The following RPGRIP1L variants were observed in gnomAD, a reference collection of about 807,000 sequenced individuals.
RPGRIP1L encodes protein fantom.
A neutral mutation model predicts 160.4 loss-of-function variants in RPGRIP1L; 131 were observed. That is an observed-to-expected ratio of 0.82 (90% CI 0.71 to 0.94). The LOEUF (loss-of-function observed/expected upper bound fraction) is 0.94. Ranked by LOEUF, RPGRIP1L falls within the 40% of genes least tolerant of loss-of-function variation. RPGRIP1L has a pLI of 0.00. For missense variants in RPGRIP1L, 1,522 were observed against 1,535.8 expected (o/e 0.99, Z 0.15); for synonymous variants, 510 against 515.8 (o/e 0.99, Z 0.15).
chr16:53,655,279 GTACTT>G (rs1262285735), intron 14 of RPGRIP1L, among the ~76,000 whole-genome samples: 1 of 151,974 alleles, frequency 6.6e-6, no homozygotes, highest in Admixed American at 6.6e-5. Flanking sequence ...CTTAAAAAAG[GTACTT>G]TAATTTATGT....
rs554098056 is a variant in RPGRIP1L, at chr16:53,701,981, A to G, written c.-7-1251T>C. Among the ~76,000 whole-genome samples the G allele has an allele frequency of 2.7e-4, 41 of 152,288 alleles. No homozygotes were observed. The East Asian group carries it at 7.3e-3, about 27-fold the overall frequency. On this transcript the variant is annotated intron_variant, in intron 1 of 26. Transcript: ENST00000647211. ...TTCTTTTGGAAGTACTCCTATAGAA[A>G]AGGTCAATTTTTAGGATCCTGTTGA... is the stretch of plus-strand genomic sequence containing the variant.
chr16:53,626,806 C>CAAA (rs397956424), intron 22 of RPGRIP1L, among the ~76,000 whole-genome samples: 13 of 93,756 alleles, frequency 1.4e-4, no homozygotes, highest in East Asian at 2.8e-4. Context: ...CCCTGTCTCT[C>CAAA]AAAAAAAAAA....
intron 4 of RPGRIP1L, among the ~76,000 whole-genome samples, chr16:53,691,238 T>A (rs1452423477): frequency 2.0e-5 from 3 of 152,156 alleles, no homozygotes; most frequent in African/African-American, 7.2e-5. Flanking sequence ...AAACCTAATT[T>A]CCTTTCCTAC....
At chr16:53,696,918 G>A (rs569074511) in intron 2 of RPGRIP1L, among the ~76,000 whole-genome samples, 1 of 152,256 alleles carries the variant, frequency 6.6e-6, no homozygotes, top group African/African-American at 2.4e-5. Flanking sequence ...TCCGAGCCAG[G>A]CTTGGTGGCT....
intron 4 of RPGRIP1L, among the ~76,000 whole-genome samples, chr16:53,690,237 C>T (rs1970291477): frequency 2.0e-5 from 3 of 152,134 alleles, no homozygotes; most frequent in Non-Finnish European, 4.4e-5. Flanking sequence ...TCCTCTGTCG[C>T]CCAGGTTGGA....
At chr16:53,661,258 C>A (rs1967768597) in intron 10 of RPGRIP1L, among the ~76,000 whole-genome samples, 1 of 150,292 alleles carries the variant, frequency 6.7e-6, no homozygotes, top group African/African-American at 2.5e-5. Flanking sequence ...GATCGCACCA[C>A]TGCACTCCAG....
chr16:53,697,153 A>T (rs939597876), intron 2 of RPGRIP1L, among the ~76,000 whole-genome samples: 2 of 151,786 alleles, frequency 1.3e-5, no homozygotes, highest in African/African-American at 4.8e-5. Flanking sequence ...GTGCCACTGC[A>T]CTCCAGCCTG....
intron 9 of RPGRIP1L, among the ~76,000 whole-genome samples, chr16:53,668,687 C>A (rs1968478247): frequency 6.6e-6 from 1 of 152,166 alleles, no homozygotes; most frequent in South Asian, 2.1e-4. Context: ...AAGTGAAGCA[C>A]AGCATTACTA....
At chr16:53,665,647 G>T (rs1968180460) in intron 9 of RPGRIP1L, among the ~76,000 whole-genome samples, 1 of 152,140 alleles carries the variant, frequency 6.6e-6, no homozygotes, top group Admixed American at 6.6e-5. Flanking sequence ...GACGAAAATA[G>T]AATTACTATT....
intron 22 of RPGRIP1L, among the ~76,000 whole-genome samples, chr16:53,624,482 T>C (rs1180584828): frequency 6.6e-6 from 1 of 151,826 alleles, no homozygotes; most frequent in Non-Finnish European, 1.5e-5. Flanking sequence ...AGGTGGAGGT[T>C]GCAGTGAGCT....
chr16:53,627,690 ATAT>A (rs1965270896), intron 22 of RPGRIP1L, among the ~76,000 whole-genome samples: 1 of 151,890 alleles, frequency 6.6e-6, no homozygotes, highest in African/African-American at 2.4e-5. Flanking sequence ...TTTTGGTTTT[ATAT>A]TTGTGGTATC....
chr16:53,690,226 C>T (rs1970291088), intron 4 of RPGRIP1L, among the ~76,000 whole-genome samples: 2 of 152,144 alleles, frequency 1.3e-5, no homozygotes, highest in Non-Finnish European at 2.9e-5. Context: ...GAGACTTAGT[C>T]TCCTCTGTCG....
At chr16:53,609,585 G>C (rs1963899750) in intron 25 of RPGRIP1L, among the ~76,000 whole-genome samples, 1 of 152,138 alleles carries the variant, frequency 6.6e-6, no homozygotes, top group Non-Finnish European at 1.5e-5. Flanking sequence ...AAATAAGACT[G>C]AATAGGCTAC....
At chr16:53,616,135 G>GTAC in intron 24 of RPGRIP1L, among the ~76,000 whole-genome samples, 1 of 152,236 alleles carries the variant, frequency 6.6e-6, no homozygotes. Flanking sequence ...GAGACAGCAT[G>GTAC]TACTAATTGT....
At chr16:53,683,691 C>CA (rs549418277) in intron 6 of RPGRIP1L, among the ~76,000 whole-genome samples, 215 of 77,180 alleles carry the variant, frequency 2.8e-3, no homozygotes, top group East Asian at 4.6e-3. Flanking sequence ...ACACTTAGTT[C>CA]AAAAAAAAAA....
chr16:53,658,654 T>G (rs1310445318), intron 11 of RPGRIP1L, 118 bp downstream of exon 11: 1 of 849,028 alleles, frequency 1.2e-6, no homozygotes, highest in Non-Finnish European at 1.9e-6. Flanking sequence ...CATGAGTTAA[T>G]AAACTGAGTA....
chr16:53,684,175 G>A (rs570671491), intron 6 of RPGRIP1L, among the ~76,000 whole-genome samples: 14 of 152,308 alleles, frequency 9.2e-5, no homozygotes, highest in Admixed American at 5.2e-4. Context: ...CATTGTGGAA[G>A]TCAGTGTGGC....
In RPGRIP1L at chr16:53,601,523, G is replaced by A. The variant is rs1298442957; in HGVS notation, c.*553C>T. 6.4e-6 allele frequency: 1 copy of A among 155,066 alleles called. No individual in the cohort carries two copies. The highest frequency in any genetic ancestry group is 6.3e-5 in the Admixed American group (1 of 15,838). 9.6% of individuals were successfully genotyped at this position (155,066 alleles called of 1,614,324 possible). A position where few individuals can be genotyped will look rare whatever the true frequency, so the allele number is the denominator to read the frequency against. ...ATGCATCAAAGAAAATGCATACTGAGCTTTAATGTGCATAAAATGGATATT... is the reference window on the plus strand; with the variant it reads ...ATGCATCAAAGAAAATGCATACTGAACTTTAATGTGCATAAAATGGATATT... On this transcript the variant is annotated 3_prime_UTR_variant, in exon 27 of 27. Coordinates refer to ENST00000647211, the MANE Select transcript of RPGRIP1L (RefSeq NM_015272.5).
chr16:53,701,323 A>C (rs1971375428), intron 1 of RPGRIP1L, among the ~76,000 whole-genome samples: 2 of 151,852 alleles, frequency 1.3e-5, no homozygotes, highest in Middle Eastern at 3.4e-3. Context: ...TCGTTGCATA[A>C]ATTTACCAAC....
Sources: gnomAD v4.1 joint callset for allele counts (sites outside exome capture counted in the v4.1 genomes callset) on GRCh38, gnomAD v4.1.1 for gene constraint, MANE v1.5 for transcripts, NCBI Gene and HGNC (gene_info 2026-07-23, HGNC 2026-07-21) for gene names.